Variants in TMPO observed in about 807,000 individuals in gnomAD.
TMPO encodes the protein LEM domain containing 4.
Under a neutral mutation model 45.4 loss-of-function variants are expected in TMPO, and 22 were observed. The ratio of observed to expected loss-of-function variants is 0.48; its 90% CI spans 0.35 to 0.69. TMPO has a LOEUF of 0.69. Among genes scored for constraint, TMPO ranks in the 30% least tolerant of loss-of-function variants. The probability of loss-of-function intolerance (pLI) is 0.01; values close to 1 mark genes in which losing one functional copy is unlikely to be tolerated. For synonymous variants in TMPO, 241 were observed against 204.1 expected (o/e 1.18, Z -1.54); for missense variants, 512 against 548.8 (o/e 0.93, Z 0.67).
rs200943582 is a variant in TMPO at position 98,527,988 on chromosome 12, G to A, written c.382G>A (p.Gly128Arg). 7.4e-6 allele frequency: 12 copies of A among 1,613,748 alleles called. No homozygotes were observed. The highest frequency in any genetic ancestry group is 2.2e-5 in the South Asian group (2 of 91,074). The change falls in exon 2 of 9, where the codon GGA becomes AGA. Residue 128 changes from glycine (G) to arginine (R), a missense_variant. Around this residue, in one of 3 missense-constraint regions of TMPO, gnomAD observed 299 missense variants for 296.7 expected, o/e 1.01. Transcript: ENST00000556029. ...TCTTTTGGATCAGCTTGTGAAATAC[G>A]GAGTGAATCCTGGTCCTATTGTGGG... is the stretch of plus-strand genomic sequence containing the variant. ...EDLLDQLVKY[G>R]VNPGPIVGTT...
chr12:98,528,412 G>C (rs1311796683), intron 2 of TMPO, among the ~76,000 whole-genome samples: 1 of 151,954 alleles, frequency 6.6e-6, no homozygotes, highest in Admixed American at 6.6e-5. Flanking sequence ...GAGTAGCTGG[G>C]ACTACAGGCG....
At chr12:98,539,991 G>A (rs1334944632) in intron 4 of TMPO, among the ~76,000 whole-genome samples, 2 of 152,108 alleles carry the variant, frequency 1.3e-5, no homozygotes, top group African/African-American at 4.8e-5. Context: ...GAAATGTTTC[G>A]TTTATGATTA....
At chr12:98,527,741 G>A in intron 1 of TMPO, 145 bp from the exon 2 acceptor site, 12 of 819,578 alleles carry the variant, frequency 1.5e-5, no homozygotes, top group South Asian at 1.4e-4. Context: ...ATAATGAGTT[G>A]CTCTTAATTT....
Position 98,544,982 on chromosome 12 carries a change from A to G in TMPO, c.911A>G (p.His304Arg), listed in dbSNP as rs1878137265. 1 of 1,613,532 alleles carries G rather than the reference A, an allele frequency of 6.2e-7. No individual in the cohort carries two copies. Among genetic ancestry groups the G allele is most frequent in the Non-Finnish European group, 8.5e-7 (1 of 1,179,918 alleles). Residue 304 changes from histidine (H) to arginine (R), a missense_variant, in exon 7 of 9, where the codon CAT becomes CGT. Physicochemically the swap from His to Arg is conservative, Grantham distance 29. Coordinates refer to ENST00000556029, the MANE Select transcript of TMPO (RefSeq NM_001032283.3). The stretch of plus-strand genomic sequence containing the variant: ...AATAGGGTGACTGGAAATTTCAAGC[A>G]TGCATCTCCTATTCTGCCAATCACT... ...VVNRVTGNFKHASPILPITEF... is the reference protein window; with the variant it reads ...VVNRVTGNFKRASPILPITEF...
In TMPO at chr12:98,533,287, A is replaced by G. The variant is rs754951098; in HGVS notation, c.565+1449A>G. The G allele has an allele frequency of 6.1e-5, 98 of 1,613,944 alleles. No homozygotes were observed. The highest frequency in any genetic ancestry group is 8.1e-5 in the Non-Finnish European group (95 of 1,180,038). On this transcript the variant is annotated intron_variant, in intron 3 of 8. Coordinates refer to ENST00000556029, the MANE Select transcript of TMPO (RefSeq NM_001032283.3). ...TGGAATTCAACCATTATGTCCTGAG[A>G]GGTCCCATATTTCAGATCAATCGCC...
At chr12:98,532,895 C>T (rs138938727) in intron 3 of TMPO, 1 of 1,614,086 alleles carries the variant, frequency 6.2e-7, no homozygotes, top group Non-Finnish European at 8.5e-7. Context: ...GGAACTACTC[C>T]CTCTGGTGGT....
At chr12:98,532,195 T>G (rs557813811) in intron 3 of TMPO, 107 of 193,820 alleles carry the variant, frequency 5.5e-4, no homozygotes, top group Non-Finnish European at 9.2e-4. Context: ...AATGCCTGTC[T>G]TTCAAGTTTT....
At chr12:98,525,914 T>G (rs1876732239) in intron 1 of TMPO, among the ~76,000 whole-genome samples, 1 of 152,168 alleles carries the variant, frequency 6.6e-6, no homozygotes, top group South Asian at 2.1e-4. Context: ...TTCGTAAAAT[T>G]TACTTTGATG....
chr12:98,520,924 T>C (rs541068353), intron 1 of TMPO, among the ~76,000 whole-genome samples: 2 of 152,036 alleles, frequency 1.3e-5, no homozygotes, highest in South Asian at 4.1e-4. Context: ...AATGGAGTGG[T>C]AAAAAGGAAT....
chr12:98,519,732 A>G (rs1167368411), intron 1 of TMPO, among the ~76,000 whole-genome samples: 1 of 152,214 alleles, frequency 6.6e-6, no homozygotes, highest in East Asian at 1.9e-4. Context: ...TTTCTGTTTT[A>G]AAGTACGTTA....
chr12:98,541,938 A>T lies in TMPO; in HGVS notation c.664-2292A>T, dbSNP rs151032968. ...TTAACCTAAACCTAGAGATCACTCC[A>T]TATCGGAACGTAGCCATCTTCCTCA... is the stretch of plus-strand genomic sequence containing the variant. On this transcript the variant is annotated intron_variant, in intron 4 of 8. Transcript: ENST00000556029. Among the ~76,000 whole-genome samples, 848 of 152,304 alleles carry T rather than the reference A, an allele frequency of 5.6e-3. 9 individuals carry two copies. The highest frequency in any genetic ancestry group is 0.02 in the African/African-American group (817 of 41,572).
intron 6 of TMPO, 42 bp from the exon 7 acceptor site, chr12:98,544,909 T>C (rs1243642470): frequency 7.3e-7 from 1 of 1,368,276 alleles, no homozygotes. Context: ...GTCTGTGTTA[T>C]GTTTGGATAA....
chr12:98,538,153 GACTA>G (rs1159184364), intron 4 of TMPO, among the ~76,000 whole-genome samples: 1 of 151,718 alleles, frequency 6.6e-6, no homozygotes, highest in East Asian at 1.9e-4. Flanking sequence ...ACAAATTATT[GACTA>G]ACCTAGTATT....
At chr12:98,540,542 C>G (rs375164750) in intron 4 of TMPO, among the ~76,000 whole-genome samples, 7 of 152,218 alleles carry the variant, frequency 4.6e-5, no homozygotes, top group African/African-American at 1.7e-4. Flanking sequence ...CCACGCCCGG[C>G]TAATTTTGTA....
chr12:98,524,835 C>G (rs1876647226), intron 1 of TMPO, among the ~76,000 whole-genome samples: 1 of 152,116 alleles, frequency 6.6e-6, no homozygotes, highest in South Asian at 2.1e-4. Context: ...TTCAAGTGAT[C>G]CACCCACCTT....
At chr12:98,516,591 G>C in intron 1 of TMPO, 1 of 973,864 alleles carries the variant, frequency 1.0e-6, no homozygotes, top group South Asian at 4.8e-5. Flanking sequence ...TCCCTGGAGG[G>C]CAACTGATGA....
intron 1 of TMPO, among the ~76,000 whole-genome samples, chr12:98,522,812 G>A (rs547719774): frequency 6.6e-6 from 1 of 152,282 alleles, no homozygotes; most frequent in South Asian, 2.1e-4. Flanking sequence ...GTTGTCAGAT[G>A]GGGATATTAG....
At chr12:98,529,664 C>G (rs1419282354) in intron 2 of TMPO, among the ~76,000 whole-genome samples, 2 of 151,886 alleles carry the variant, frequency 1.3e-5, no homozygotes, top group Non-Finnish European at 2.9e-5. Flanking sequence ...TAGGCTCAAG[C>G]AGTCCCACCT....
chr12:98,542,725 G>T (rs548391827), intron 4 of TMPO, among the ~76,000 whole-genome samples: 1 of 152,226 alleles, frequency 6.6e-6, no homozygotes, highest in South Asian at 2.1e-4. Flanking sequence ...AAGTGTGCTG[G>T]TGCGTGCCTG....
Sources: gnomAD v4.1 joint callset for allele counts (sites outside exome capture counted in the v4.1 genomes callset) on GRCh38, gnomAD v4.1.1 for gene constraint, gnomAD v4.1.1 regional missense constraint, MANE v1.5 for transcripts, NCBI Gene and HGNC (gene_info 2026-07-23, HGNC 2026-07-21) for gene names.